Variants in NAALADL2 observed in about 807,000 individuals in gnomAD.
NAALADL2 encodes inactive N-acetylated-alpha-linked acidic dipeptidase-like protein 2.
In NAALADL2, 76 loss-of-function variants were observed where a neutral mutation model predicts 87.2. That is an observed-to-expected ratio of 0.87 (90% confidence interval 0.72 to 1.05). The LOEUF is 1.05. Ranked by LOEUF, NAALADL2 falls within the 50% of genes least tolerant of loss-of-function variation. The pLI is 0.00. For synonymous variants in NAALADL2, 354 were observed against 331.0 expected (o/e 1.07, Z -0.75); for missense variants, 1,089 against 945.8 (o/e 1.15, Z -1.99).
intron 2 of NAALADL2, among the ~76,000 whole-genome samples, chr3:175,199,089 C>T (rs547278702): frequency 3.8e-4 from 58 of 152,052 alleles, no homozygotes; most frequent in Non-Finnish European, 6.9e-4. Flanking sequence ...GCCTTTGAAA[C>T]GGGATTGTAT....
intron 4 of NAALADL2, among the ~76,000 whole-genome samples, chr3:175,275,132 A>G (rs902704251): frequency 1.3e-5 from 2 of 152,332 alleles, no homozygotes; most frequent in Non-Finnish European, 2.9e-5. Context: ...AAGTTTTTCT[A>G]GTATCATGAG....
intron 2 of NAALADL2, among the ~76,000 whole-genome samples, chr3:174,693,172 C>T (rs504688): frequency 0.36 from 54,538 of 151,094 alleles, 10,685 homozygotes; most frequent in Non-Finnish European, 0.43. Flanking sequence ...ATGTTCTTGG[C>T]TTTAATTATT....
At chr3:174,819,444 A>G (rs1560255769) in intron 3 of NAALADL2, among the ~76,000 whole-genome samples, 1 of 152,088 alleles carries the variant, frequency 6.6e-6, no homozygotes, top group Admixed American at 6.6e-5. Flanking sequence ...GCAATAATAT[A>G]TTAAAAGTAA....
rs1227367019 is a variant in NAALADL2, at chr3:175,288,564, C to T, written c.939+32034C>T. 2.0e-5 allele frequency among the ~76,000 whole-genome samples: 3 copies of T among 152,154 alleles called. 1 individual carries two copies. Among genetic ancestry groups the T allele is most frequent in the Non-Finnish European group, 4.4e-5 (3 of 68,020 alleles). ...ATCATTAGTCCAATTATCTAACCAT[C>T]CTTTCATCCATTGCTTTTCTTGCTG... On this transcript the variant is annotated intron_variant, in intron 4 of 13. Coordinates refer to ENST00000454872, the MANE Select transcript of NAALADL2 (RefSeq NM_207015.3).
chr3:175,746,484 C>G (rs1337205260), intron 12 of NAALADL2, among the ~76,000 whole-genome samples: 1 of 151,976 alleles, frequency 6.6e-6, no homozygotes, highest in Non-Finnish European at 1.5e-5. Context: ...ATTTAATTAC[C>G]ACCAATTCCA....
chr3:174,508,079 C>A (rs981664291), intron 1 of NAALADL2, among the ~76,000 whole-genome samples: 5 of 141,258 alleles, frequency 3.5e-5, no homozygotes, highest in Admixed American at 7.0e-5. Flanking sequence ...TTAGTATGGC[C>A]AGTTTTTTAA....
intron 13 of NAALADL2, among the ~76,000 whole-genome samples, chr3:175,765,357 C>T (rs1174384391): frequency 6.6e-6 from 1 of 151,878 alleles, no homozygotes; most frequent in East Asian, 1.9e-4. Context: ...GCAGAAAAGC[C>T]CCCAAATTTT....
chr3:175,110,599 G>T (rs1233111439), intron 2 of NAALADL2, among the ~76,000 whole-genome samples: 2 of 151,836 alleles, frequency 1.3e-5, no homozygotes, highest in East Asian at 3.9e-4. Context: ...TACTTCTGTG[G>T]TAATCATGAA....
rs1382530936 is a variant in NAALADL2 at position 175,804,612 on chromosome 3, T to TCAAA, written c.*1412_*1415dup. On this transcript the variant is annotated 3_prime_UTR_variant, in exon 14 of 14. Coordinates refer to ENST00000454872, the MANE Select transcript of NAALADL2 (RefSeq NM_207015.3). Reference sequence around the variant, plus strand: ...TTCATATAAATTTTCTCTATCTAATTCAAACATATCTCCCCATGATACACC... The same window carrying TCAAA: ...TTCATATAAATTTTCTCTATCTAATTCAAACAAACATATCTCCCCATGATACACC... 4.6e-5 allele frequency: 7 copies of TCAAA among 151,914 alleles called. No homozygotes were observed. The highest frequency in any genetic ancestry group is 6.6e-5 in the Admixed American group (1 of 15,206). The allele number at this position is 151,914 out of a possible 1,614,324, so 9.4% of individuals were successfully genotyped here. A position where few individuals can be genotyped will look rare whatever the true frequency, so the allele number is the denominator to read the frequency against.
At chr3:175,362,229 T>C (rs1765105153) in intron 5 of NAALADL2, among the ~76,000 whole-genome samples, 1 of 148,192 alleles carries the variant, frequency 6.7e-6, no homozygotes, top group South Asian at 2.2e-4. Flanking sequence ...GGTCTATATC[T>C]CTGTTTTGGT....
intron 11 of NAALADL2, chr3:175,675,813 A>G (rs1158275852): frequency 6.6e-6 from 1 of 152,162 alleles, no homozygotes; most frequent in East Asian, 1.9e-4. Context: ...TTTTGGTTTC[A>G]ATAAAAAATG....
In NAALADL2 at chr3:174,456,990, A is replaced by G. The variant is rs144505767; in HGVS notation, c.-184+15958A>G. On this transcript the variant is annotated intron_variant, in intron 1 of 3. Coordinates refer to the NAALADL2 transcript ENST00000434257. ...GACACAGGACTAATATCAAGCATCT[A>G]CAGGGAACTTAAACAAATTTACAAG... 2.9e-4 allele frequency among the ~76,000 whole-genome samples: 44 copies of G among 152,356 alleles called. 1 individual carries two copies. The highest frequency in any genetic ancestry group is 9.4e-4 in the African/African-American group (39 of 41,584).
At chr3:174,692,060 T>A (rs1395436551) in intron 2 of NAALADL2, 2 of 152,244 alleles carry the variant, frequency 1.3e-5, no homozygotes, top group Non-Finnish European at 2.9e-5. Flanking sequence ...AATATTGGTA[T>A]GTTGACCTCC....
At chr3:174,779,722 A>C (rs1715696516) in intron 3 of NAALADL2, among the ~76,000 whole-genome samples, 1 of 152,190 alleles carries the variant, frequency 6.6e-6, no homozygotes, top group Non-Finnish European at 1.5e-5. Context: ...CCATTTATTA[A>C]ATAGAAAATC....
At chr3:175,630,700 TG>T (rs1345961123) in intron 11 of NAALADL2, among the ~76,000 whole-genome samples, 8 of 151,722 alleles carry the variant, frequency 5.3e-5, no homozygotes, top group African/African-American at 1.7e-4. Context: ...TGAGGATAAA[TG>T]GTATTTTTAT....
intron 1 of NAALADL2, among the ~76,000 whole-genome samples, chr3:174,892,780 C>T (rs1731016294): frequency 6.6e-6 from 1 of 151,688 alleles, no homozygotes; most frequent in African/African-American, 2.4e-5. Context: ...AAAAATTAGC[C>T]AGGTGGTGGC....
At chr3:175,720,839 G>C (rs1258776240) in intron 11 of NAALADL2, among the ~76,000 whole-genome samples, 1 of 152,030 alleles carries the variant, frequency 6.6e-6, no homozygotes, top group African/African-American at 2.4e-5. Flanking sequence ...TCAAAAGTGA[G>C]AAAGAAATAA....
intron 4 of NAALADL2, among the ~76,000 whole-genome samples, chr3:175,313,315 T>C (rs1758622717): frequency 6.6e-6 from 1 of 152,152 alleles, no homozygotes; most frequent in Admixed American, 6.6e-5. Flanking sequence ...TCCATAACAG[T>C]GAGACTTAAA....
chr3:174,566,907 T>G (rs2108524618), intron 2 of NAALADL2, among the ~76,000 whole-genome samples: 1 of 151,896 alleles, frequency 6.6e-6, no homozygotes, highest in East Asian at 1.9e-4. Flanking sequence ...AAAGGTATGT[T>G]TTATTGATGA....
Sources: allele counts gnomAD v4.1 joint callset (sites outside exome capture counted in the v4.1 genomes callset), GRCh38; gene constraint gnomAD v4.1.1; transcripts MANE v1.5; gene names NCBI Gene and HGNC (gene_info 2026-07-23, HGNC 2026-07-21).